STAB2: variants seen among roughly 807,000 people sequenced by gnomAD.
The protein encoded by STAB2 is stabilin 2, also known as stabilin-2.
Under a neutral mutation model 338.1 loss-of-function variants are expected in STAB2, and 288 were observed. The ratio of observed to expected loss-of-function variants is 0.85; its 90% CI spans 0.77 to 0.94. STAB2 has a LOEUF of 0.94. Among genes scored for constraint, STAB2 ranks in the 40% least tolerant of loss-of-function variants. The pLI is 0.00. For missense variants in STAB2, 3,141 were observed against 3,210.1 expected (o/e 0.98, Z 0.52); for synonymous variants, 1,202 against 1,193.3 (o/e 1.01, Z -0.15).
intron 31 of STAB2, among the ~76,000 whole-genome samples, chr12:103,694,905 A>T (rs1878265187): frequency 6.6e-6 from 1 of 152,034 alleles, no homozygotes; most frequent in Non-Finnish European, 1.5e-5. Flanking sequence ...GTATGTCCCA[A>T]GTAGAAGACA....
At chr12:103,697,237 CAAAG>C (rs1878487353) in intron 33 of STAB2, among the ~76,000 whole-genome samples, 1 of 152,164 alleles carries the variant, frequency 6.6e-6, no homozygotes, top group South Asian at 2.1e-4. Context: ...ACTGTCTTCT[CAAAG>C]AAGCAAGTCT....
chr12:103,710,039 G>A (rs903128616), intron 39 of STAB2, among the ~76,000 whole-genome samples: 4 of 151,912 alleles, frequency 2.6e-5, no homozygotes, highest in African/African-American at 9.7e-5. Flanking sequence ...TCTTCCTCCT[G>A]CTCCCCTCTC....
Position 103,728,924 on chromosome 12 carries a change from C to T in STAB2, c.5011C>T (p.Leu1671=), listed in dbSNP as rs749613685. ...TGTGGTCGCCTGCCACCAGCTGCTTCTGGAAAACCTGAAATTGATCTCAAA... is the reference window on the plus strand; with the variant it reads ...TGTGGTCGCCTGCCACCAGCTGCTTTTGGAAAACCTGAAATTGATCTCAAA... ...YHVVACHQLL[L]ENLKLISNAT... is the part of the protein sequence containing the mutation. Residue 1671 remains leucine, a synonymous_variant, in exon 48 of 69, where the codon CTG becomes TTG. Transcript: ENST00000388887. 23 of 1,613,890 alleles carry T rather than the reference C, an allele frequency of 1.4e-5. No homozygotes were observed. Among genetic ancestry groups the T allele is most frequent in the Non-Finnish European group, 1.7e-6 (2 of 1,179,888 alleles).
At chr12:103,616,719 T>G (rs1024573316) in intron 3 of STAB2, among the ~76,000 whole-genome samples, 7 of 152,176 alleles carry the variant, frequency 4.6e-5, no homozygotes, top group African/African-American at 1.4e-4. Context: ...AGGGAAATAG[T>G]TGGGGAGCTG....
chr12:103,655,333 A>C (rs1170532443), intron 14 of STAB2, 26 bp downstream of exon 14: 5 of 1,608,368 alleles, frequency 3.1e-6, no homozygotes, highest in Non-Finnish European at 4.2e-6. Flanking sequence ...AATTTTCTGA[A>C]AAATATTTAT....
intron 44 of STAB2, among the ~76,000 whole-genome samples, chr12:103,719,945 T>C (rs1880626922): frequency 6.6e-6 from 1 of 152,188 alleles, no homozygotes; most frequent in African/African-American, 2.4e-5. Flanking sequence ...CCTGTTTATA[T>C]TACTTCCCAC....
chr12:103,746,804 C>A, intron 58 of STAB2, 100 bp downstream of exon 58: 1 of 1,174,016 alleles, frequency 8.5e-7, no homozygotes, highest in Non-Finnish European at 1.3e-6. Flanking sequence ...TCCTTCCTGT[C>A]TGGGCCACTT....
At chr12:103,675,083 T>C (rs1876208485) in intron 23 of STAB2, among the ~76,000 whole-genome samples, 1 of 152,232 alleles carries the variant, frequency 6.6e-6, no homozygotes, top group Non-Finnish European at 1.5e-5. Flanking sequence ...ATTTGGACAC[T>C]AGATAATGTA....
intron 56 of STAB2, among the ~76,000 whole-genome samples, chr12:103,744,313 T>G (rs931038539): frequency 6.6e-6 from 1 of 151,774 alleles, no homozygotes; most frequent in African/African-American, 2.4e-5. Flanking sequence ...CCAAATAATT[T>G]TTTATTTTTT....
At chr12:103,730,499 T>C (rs1235921690) in intron 49 of STAB2, among the ~76,000 whole-genome samples, 2 of 152,166 alleles carry the variant, frequency 1.3e-5, no homozygotes, top group Admixed American at 6.5e-5. Flanking sequence ...CTTACATAGG[T>C]TTAGAAAATG....
At chr12:103,681,806 G>T (rs1040654984) in intron 25 of STAB2, among the ~76,000 whole-genome samples, 3 of 151,592 alleles carry the variant, frequency 2.0e-5, no homozygotes, top group African/African-American at 7.3e-5. Flanking sequence ...ATTTTTAGTA[G>T]AGACGGGGTT....
intron 6 of STAB2, among the ~76,000 whole-genome samples, chr12:103,635,048 A>T (rs1161917734): frequency 6.6e-6 from 1 of 152,164 alleles, no homozygotes; most frequent in Non-Finnish European, 1.5e-5. Flanking sequence ...GAACTATTTT[A>T]CTCAACTAGC....
chr12:103,724,993 G>C lies in STAB2; in HGVS notation c.4702G>C (p.Glu1568Gln), dbSNP rs149611507. Reference protein sequence around the residue: ...VCLTKNGGCSEFAICNHTGQV... With the variant: ...VCLTKNGGCSQFAICNHTGQV... ...TTACCAGAAAAATGGCGGCTGTAGT[G>C]AATTTGCCATCTGCAACCACACTGG... is the stretch of plus-strand genomic sequence containing the variant. The change falls in exon 45 of 69, where the codon GAA becomes CAA. Residue 1568 changes from glutamate to glutamine, a missense_variant. Glu to Gln is a conservative substitution (Grantham distance 29). Transcript: ENST00000388887. 14 of 1,613,978 alleles carry C rather than the reference G, an allele frequency of 8.7e-6. No homozygotes were observed. The highest frequency in any genetic ancestry group is 7.6e-6 in the Non-Finnish European group (9 of 1,179,832).
Position 103,713,737 on chromosome 12 carries a change from A to G in STAB2, c.4506A>G (p.Ala1502=), listed in dbSNP as rs1350155421. ...TPGRRVCTCK[A]GYTGDGIVCL... is the part of the protein sequence containing the mutation. ...GAAGGCGAGTGTGCACGTGCAAAGCAGGCTACACGGGTGATGGCATTGTGT... is the reference window on the plus strand; with the variant it reads ...GAAGGCGAGTGTGCACGTGCAAAGCGGGCTACACGGGTGATGGCATTGTGT... The change falls in exon 42 of 69, where the codon GCA becomes GCG. Residue 1502 remains alanine (A), a synonymous_variant. Transcript: ENST00000388887. 2.5e-6 allele frequency: 4 copies of G among 1,613,932 alleles called. No homozygotes were observed. The African/African-American group carries it at 5.3e-5, about 22-fold the overall frequency.
At chr12:103,637,838 G>A (rs1957573692) in intron 7 of STAB2, among the ~76,000 whole-genome samples, 178 bp from the exon 8 acceptor site, 1 of 152,162 alleles carries the variant, frequency 6.6e-6, no homozygotes, top group Non-Finnish European at 1.5e-5. Flanking sequence ...CACAATATCT[G>A]TACAATTTCT....
chr12:103,605,125 T>G (rs985842801), intron 3 of STAB2, among the ~76,000 whole-genome samples: 5 of 151,982 alleles, frequency 3.3e-5, no homozygotes, highest in Admixed American at 6.5e-5. Context: ...TATAATATTT[T>G]ACTTCCAAAT....
intron 31 of STAB2, 65 bp from the exon 32 acceptor site, chr12:103,695,485 A>G: frequency 6.7e-7 from 1 of 1,483,606 alleles, no homozygotes; most frequent in South Asian, 1.2e-5. Context: ...AGACTCTCCT[A>G]TGTATCGAAA....
intron 11 of STAB2, among the ~76,000 whole-genome samples, chr12:103,651,886 C>T (rs1319085427): frequency 6.6e-6 from 1 of 152,150 alleles, no homozygotes; most frequent in African/African-American, 2.4e-5. Flanking sequence ...CATATACCAC[C>T]ACGATTAACC....
chr12:103,695,247 A>G (rs1320341475), intron 31 of STAB2, among the ~76,000 whole-genome samples: 3 of 152,224 alleles, frequency 2.0e-5, no homozygotes, highest in Non-Finnish European at 2.9e-5. Context: ...AGGTAGATTA[A>G]TGCGAGCTGG....
Sources: allele counts gnomAD v4.1 joint callset (sites outside exome capture counted in the v4.1 genomes callset), GRCh38; gene constraint gnomAD v4.1.1; transcripts MANE v1.5; gene names NCBI Gene and HGNC (gene_info 2026-07-23, HGNC 2026-07-21).